The following SORCS2 variants were observed in gnomAD, a reference collection of about 807,000 sequenced individuals.
SORCS2 encodes the protein VPS10 domain-containing receptor SorCS2.
SORCS2 carries 100 observed loss-of-function variants against 141.6 expected under a neutral mutation model. The ratio of observed to expected loss-of-function variants is 0.71; its 90% CI spans 0.60 to 0.83. The LOEUF is 0.83. Ranked by LOEUF, SORCS2 falls within the 40% of genes least tolerant of loss-of-function variation. The pLI, the probability that SORCS2 is intolerant of heterozygous loss-of-function variation, is 0.00. For synonymous variants in SORCS2, 789 were observed against 676.9 expected, an observed-to-expected ratio of 1.17 and a Z score of -2.57; for missense variants, 1,646 against 1,560.2, an observed-to-expected ratio of 1.05 and a Z score of -0.93.
chr4:7,540,387 A>G (rs74605727), intron 3 of SORCS2, among the ~76,000 whole-genome samples: 2,981 of 152,062 alleles, frequency 0.02, 71 homozygotes, highest in African/African-American at 0.064. Flanking sequence ...TTCTGTGGCT[A>G]GGAAACCCTG....
At chr4:7,683,802 G>A (rs2079169) in intron 10 of SORCS2, among the ~76,000 whole-genome samples, 50,635 of 152,070 alleles carry the variant, frequency 0.33, 9,241 homozygotes, top group East Asian at 0.43. Context: ...ATGAATAGAA[G>A]TATCGACTGC....
In SORCS2 at chr4:7,541,690, C is replaced by T. The variant is rs151299455; in HGVS notation, c.648+10061C>T. Among the ~76,000 whole-genome samples, 674 of 152,338 alleles carry T rather than the reference C, an allele frequency of 4.4e-3. 2 individuals are homozygous for T. Among genetic ancestry groups the T allele is most frequent in the Middle Eastern group, 0.014 (4 of 294 alleles). ...CATGGCTGAAAGACCACCTTTTAAGCATCATGTTGCAGACCAGAGGCACAG... is the reference window on the plus strand; with the variant it reads ...CATGGCTGAAAGACCACCTTTTAAGTATCATGTTGCAGACCAGAGGCACAG... On this transcript the variant is annotated intron_variant, in intron 3 of 26. Transcript: ENST00000507866.
At chr4:7,500,225 C>T (rs1382501961) in intron 2 of SORCS2, among the ~76,000 whole-genome samples, 2 of 152,144 alleles carry the variant, frequency 1.3e-5, no homozygotes, top group South Asian at 4.2e-4. Flanking sequence ...CCCAGCCTGC[C>T]CGTGGAGCCC....
intron 1 of SORCS2, among the ~76,000 whole-genome samples, chr4:7,343,324 G>A (rs1472042827): frequency 6.6e-6 from 1 of 152,214 alleles, no homozygotes; most frequent in East Asian, 1.9e-4. Context: ...GCTGGGTTTG[G>A]GTTCAGCTTC....
intron 3 of SORCS2, among the ~76,000 whole-genome samples, chr4:7,625,555 C>A (rs760114289): frequency 6.6e-6 from 1 of 151,848 alleles, no homozygotes; most frequent in Non-Finnish European, 1.5e-5. Context: ...CCACTGGTAC[C>A]CATGCCAAGG....
chr4:7,280,415 GA>G (rs1715796038), intron 1 of SORCS2, among the ~76,000 whole-genome samples: 1 of 152,332 alleles, frequency 6.6e-6, no homozygotes, highest in East Asian at 1.9e-4. Flanking sequence ...AACATTTCCA[GA>G]ATTTGTGTGA....
chr4:7,376,825 C>G (rs999236677), intron 1 of SORCS2, among the ~76,000 whole-genome samples: 1 of 152,168 alleles, frequency 6.6e-6, no homozygotes, highest in Non-Finnish European at 1.5e-5. Flanking sequence ...TAGAATTTCC[C>G]AAAACAGCAG....
intron 3 of SORCS2, among the ~76,000 whole-genome samples, chr4:7,543,944 C>G (rs1713015199): frequency 7.5e-6 from 1 of 133,226 alleles, no homozygotes; most frequent in Non-Finnish European, 1.7e-5. Context: ...ATCCACCCAT[C>G]CATCCATCCA....
At position 7,286,495 on chromosome 4, in the gene SORCS2, G is replaced by T. The variant is rs528383962; in HGVS notation, c.480+93369G>T. Among the ~76,000 whole-genome samples, 74 of 152,322 alleles carry T rather than the reference G, an allele frequency of 4.9e-4. No individual in the cohort carries two copies. The highest frequency in any genetic ancestry group is 1.7e-3 in the African/African-American group (70 of 41,556). ...AGCCCTGTTTCTCTTCTTCTCCTGA[G>T]GTTTCCAAGACAAAGGGTGGCAGGC... On this transcript the variant is annotated intron_variant, in intron 1 of 26. Transcript: ENST00000507866. The surrounding 1 kb of genome is among the most constrained non-coding windows in gnomAD (Gnocchi z 4.1).
At chr4:7,462,100 A>G (rs1353016088) in intron 2 of SORCS2, among the ~76,000 whole-genome samples, 1 of 152,166 alleles carries the variant, frequency 6.6e-6, no homozygotes, top group Non-Finnish European at 1.5e-5. Flanking sequence ...CCAGAGAGCC[A>G]CCCAGAGTGC....
At position 7,482,831 on chromosome 4, in the gene SORCS2, CT is replaced by C. The variant is rs1377374797; in HGVS notation, c.549-48698del. Reference sequence around the variant, plus strand: ...GTATCCCCACTGCGGACACCCCTGGCTGCTGTTCAGACCTGTATCCCCGCCG... The same window carrying C: ...GTATCCCCACTGCGGACACCCCTGGCGCTGTTCAGACCTGTATCCCCGCCG... On this transcript the variant is annotated intron_variant, in intron 2 of 26. Transcript: ENST00000507866. Among the ~76,000 whole-genome samples, 112 of 130,438 alleles carry C rather than the reference CT, an allele frequency of 8.6e-4. 2 individuals carry two copies. The highest frequency in any genetic ancestry group is 3.8e-3 in the African/African-American group (107 of 28,312). The allele number at this position is 130,438 out of a possible 152,430, so 85.6% of individuals were successfully genotyped here.
intron 3 of SORCS2, among the ~76,000 whole-genome samples, chr4:7,613,903 C>A (rs1270482212): frequency 6.6e-6 from 1 of 152,002 alleles, no homozygotes; most frequent in Non-Finnish European, 1.5e-5. Flanking sequence ...CATCTATCCA[C>A]CTATCCACTC....
intron 1 of SORCS2, among the ~76,000 whole-genome samples, chr4:7,302,805 GTGTT>G (rs1487688894): frequency 6.6e-6 from 1 of 152,098 alleles, no homozygotes; most frequent in Non-Finnish European, 1.5e-5. Context: ...GCGTGTGTGT[GTGTT>G]TGTAGGAGTG....
At position 7,664,140 on chromosome 4, in the gene SORCS2, G is replaced by GGA. The variant is rs1560466368; in HGVS notation, c.953-212_953-211insAG. Among the ~76,000 whole-genome samples, 2 of 152,130 alleles carry GGA rather than the reference G, an allele frequency of 1.3e-5. No homozygotes were observed. The highest frequency in any genetic ancestry group is 2.9e-5 in the Non-Finnish European group (2 of 68,022). On this transcript the variant is annotated intron_variant, in intron 6 of 26. Transcript: ENST00000507866. The surrounding 1 kb of genome is among the most constrained non-coding windows in gnomAD (Gnocchi z 4.7). ...CAGAGTAGCACGAACACCTTCCTGA[G>GGA]GGTTGAAGGAGCTCGTGTCAGAGTG...
At chr4:7,563,843 C>T (rs1714769821) in intron 3 of SORCS2, among the ~76,000 whole-genome samples, 3 of 152,086 alleles carry the variant, frequency 2.0e-5, no homozygotes, top group Admixed American at 6.5e-5. Context: ...CTGTGAATTC[C>T]GAGGGCCTTG....
At position 7,663,348 on chromosome 4, in the gene SORCS2, G is replaced by GTC. The variant is rs1560465894; in HGVS notation, c.953-1005_953-1004insTC. Among the ~76,000 whole-genome samples the GTC allele has an allele frequency of 3.3e-3, 507 of 152,152 alleles. 2 individuals carry two copies. Among genetic ancestry groups the GTC allele is most frequent in the African/African-American group, 0.01 (419 of 41,488 alleles). On this transcript the variant is annotated intron_variant, in intron 6 of 26. Transcript: ENST00000507866. The surrounding 1 kb of genome is among the most constrained non-coding windows in gnomAD (Gnocchi z 4.8). ...TGAGTGATTGAGTGAGTGAGTGAGTGAGTCAGTCAGTCAGTAGACTGTTGA... is the reference window on the plus strand; with the variant it reads ...TGAGTGATTGAGTGAGTGAGTGAGTGTCAGTCAGTCAGTCAGTAGACTGTTGA...
At chr4:7,352,196 T>C (rs953700886) in intron 1 of SORCS2, among the ~76,000 whole-genome samples, 2 of 152,240 alleles carry the variant, frequency 1.3e-5, no homozygotes, top group African/African-American at 4.8e-5. Flanking sequence ...TCTGCAGCTC[T>C]GCCTCCCTCA....
At chr4:7,553,959 TAGG>T (rs1229577911) in intron 3 of SORCS2, among the ~76,000 whole-genome samples, 2 of 152,070 alleles carry the variant, frequency 1.3e-5, no homozygotes, top group Non-Finnish European at 2.9e-5. Flanking sequence ...TAAATCCAAT[TAGG>T]AGGTTCATCG....
chr4:7,704,821 G>A (rs921234557), intron 14 of SORCS2, among the ~76,000 whole-genome samples: 23 of 152,308 alleles, frequency 1.5e-4, no homozygotes, highest in East Asian at 1.9e-4. Context: ...GGAGACAGCC[G>A]TGCCCAGAAA....
Sources: gnomAD v4.1 joint callset for allele counts (sites outside exome capture counted in the v4.1 genomes callset) on GRCh38, gnomAD v4.1.1 for gene constraint, Gnocchi (gnomAD v3.1) non-coding constraint, MANE v1.5 for transcripts, NCBI Gene and HGNC (gene_info 2026-07-23, HGNC 2026-07-21) for gene names.